Variants in GRIA4 observed in about 807,000 individuals in gnomAD.
The protein encoded by GRIA4 is glutamate receptor 4.
In GRIA4, 34 loss-of-function variants were observed where a neutral mutation model predicts 104.0. The observed-to-expected ratio is 0.33, with a 90% CI of 0.25 to 0.44. The LOEUF (loss-of-function observed/expected upper bound fraction) is 0.44. Among genes scored for constraint, GRIA4 ranks in the 20% least tolerant of loss-of-function variants. The probability of loss-of-function intolerance (pLI) is 1.00; values close to 1 mark genes in which losing one functional copy is unlikely to be tolerated. For synonymous variants in GRIA4, 386 were observed against 381.9 expected (o/e 1.01, Z -0.13); for missense variants, 750 against 1,096.5 (o/e 0.68, Z 4.46).
At position 105,910,528 on chromosome 11, in the gene GRIA4, GT is replaced by G; in HGVS notation, c.1254del (p.Val419Ter). 6.5e-7 allele frequency: 1 copy of G among 1,543,660 alleles called. No individual in the cohort carries two copies. Among genetic ancestry groups the G allele is most frequent in the Non-Finnish European group, 9.0e-7 (1 of 1,115,778 alleles). Reference sequence around the variant, plus strand: ...AGCTGCTATTGAGAACAGAACAGTGGTTGTAACCACAATTATGGTAAGTGTT... The same window carrying G: ...AGCTGCTATTGAGAACAGAACAGTGGTGTAACCACAATTATGGTAAGTGTT... ...DTAAIENRTV[V>X]VTTIMESPYV... is the part of the protein sequence containing the mutation. On this transcript the variant is annotated frameshift_variant, in exon 10 of 17. Coordinates refer to ENST00000282499, the MANE Select transcript of GRIA4 (RefSeq NM_000829.4). LOFTEE classifies it high-confidence loss of function.
In GRIA4 at chr11:105,688,160, ATC is replaced by A. The variant is rs776577525; in HGVS notation, c.248-64819_248-64818del. Among the ~76,000 whole-genome samples the A allele has an allele frequency of 4.4e-3, 628 of 141,168 alleles. 9 individuals carry two copies. Among genetic ancestry groups the A allele is most frequent in the African/African-American group, 0.017 (594 of 35,494 alleles). 92.6% of individuals were successfully genotyped at this position (141,168 alleles called of 152,430 possible). ...TATCTATATCTATATCTATATCTCTATCTATCTATCTATCTATCTATCTATCT... is the reference window on the plus strand; with the variant it reads ...TATCTATATCTATATCTATATCTCTATATCTATCTATCTATCTATCTATCT... On this transcript the variant is annotated intron_variant, in intron 3 of 16. Transcript: ENST00000282499.
intron 3 of GRIA4, among the ~76,000 whole-genome samples, chr11:105,687,859 A>G (rs1370127985): frequency 6.6e-6 from 1 of 152,204 alleles, no homozygotes; most frequent in African/African-American, 2.4e-5. Context: ...AATATAACTT[A>G]TCCTTAAAGT....
At chr11:105,886,718 G>A (rs1946276606) in intron 5 of GRIA4, among the ~76,000 whole-genome samples, 1 of 152,112 alleles carries the variant, frequency 6.6e-6, no homozygotes, top group Non-Finnish European at 1.5e-5. Flanking sequence ...CACCAGTGAA[G>A]TTACAAAGCT....
intron 14 of GRIA4, among the ~76,000 whole-genome samples, chr11:105,957,298 G>C (rs1417327723): frequency 6.6e-6 from 1 of 152,182 alleles, no homozygotes; most frequent in Admixed American, 6.5e-5. Flanking sequence ...TAAGGTGTAA[G>C]GAAGGGATCC....
chr11:105,787,651 T>G (rs1485395276), intron 4 of GRIA4, among the ~76,000 whole-genome samples: 1 of 109,602 alleles, frequency 9.1e-6, no homozygotes, highest in Admixed American at 1.0e-4. Flanking sequence ...AATTTTTGTA[T>G]TTTTTAGTAG....
At chr11:105,629,633 CA>C (rs1457619834) in intron 3 of GRIA4, among the ~76,000 whole-genome samples, 3 of 151,958 alleles carry the variant, frequency 2.0e-5, no homozygotes, top group East Asian at 3.9e-4. Context: ...TACATGTTTA[CA>C]AAAAGCATAT....
In GRIA4 at chr11:105,769,117, A is replaced by G. The variant is rs141339823; in HGVS notation, c.487+15897A>G. On this transcript the variant is annotated intron_variant, in intron 4 of 16. Transcript: ENST00000282499. ...AATTCTAGTAAGAGAATTATGAAGC[A>G]AGGGTCAAGGACTAGGTCTTGGTCT... is the stretch of plus-strand genomic sequence containing the variant. Among the ~76,000 whole-genome samples the G allele has an allele frequency of 6.6e-3, 1,001 of 152,260 alleles. 6 individuals carry two copies. Among genetic ancestry groups the G allele is most frequent in the Non-Finnish European group, 1.0e-2 (677 of 68,016 alleles).
chr11:105,866,549 G>GTATATATATA lies in GRIA4; in HGVS notation c.672+4342_672+4343insATATATATAT, dbSNP rs1345654796. ...TATATACGCATATGTGTGTGTGTGT[G>GTATATATATA]TGTATATATATATATATATATATAT... On this transcript the variant is annotated intron_variant, in intron 5 of 16. Transcript: ENST00000282499. Among the ~76,000 whole-genome samples, 161 of 78,158 alleles carry GTATATATATA rather than the reference G, an allele frequency of 2.1e-3. 1 individual carries two copies. The highest frequency in any genetic ancestry group is 5.0e-3 in the African/African-American group (110 of 22,160). 51.3% of individuals were successfully genotyped at this position (78,158 alleles called of 152,430 possible).
chr11:105,896,591 G>T (rs1042907580), intron 6 of GRIA4, among the ~76,000 whole-genome samples: 4 of 151,914 alleles, frequency 2.6e-5, no homozygotes, highest in Non-Finnish European at 5.9e-5. Context: ...CTTAATTTTG[G>T]TATATGGTGA....
At chr11:105,920,072 CA>C (rs1292388575) in intron 11 of GRIA4, among the ~76,000 whole-genome samples, 2 of 152,064 alleles carry the variant, frequency 1.3e-5, no homozygotes, top group Non-Finnish European at 2.9e-5. Flanking sequence ...GACCATGAAG[CA>C]ATGAACATTC....
intron 11 of GRIA4, among the ~76,000 whole-genome samples, chr11:105,924,024 C>T (rs945284216): frequency 3.9e-5 from 6 of 152,076 alleles, no homozygotes; most frequent in South Asian, 2.1e-4. Context: ...AACATAGCAG[C>T]GTTCCTGGCC....
At chr11:105,648,683 G>C (rs1039263336) in intron 3 of GRIA4, among the ~76,000 whole-genome samples, 1 of 152,078 alleles carries the variant, frequency 6.6e-6, no homozygotes, top group Non-Finnish European at 1.5e-5. Context: ...CTAAAAGGTA[G>C]AAAATTGTAA....
intron 4 of GRIA4, among the ~76,000 whole-genome samples, chr11:105,765,397 G>C (rs1333919759): frequency 6.6e-6 from 1 of 152,218 alleles, no homozygotes; most frequent in Non-Finnish European, 1.5e-5. Context: ...GTTAAAGTAT[G>C]TAAGAGTCAT....
At chr11:105,776,930 A>T (rs575241208) in intron 4 of GRIA4, among the ~76,000 whole-genome samples, 1 of 152,292 alleles carries the variant, frequency 6.6e-6, no homozygotes, top group South Asian at 2.1e-4. Context: ...CTATACCAAG[A>T]TGTTCTACTA....
At chr11:105,718,673 G>A (rs1284703541) in intron 3 of GRIA4, among the ~76,000 whole-genome samples, 1 of 152,164 alleles carries the variant, frequency 6.6e-6, no homozygotes, top group Non-Finnish European at 1.5e-5. Context: ...GGTAATGGTG[G>A]TGTCTCGACC....
chr11:105,788,262 A>T (rs77399009), intron 4 of GRIA4, among the ~76,000 whole-genome samples: 247 of 152,294 alleles, frequency 1.6e-3, no homozygotes, highest in African/African-American at 5.8e-3. Context: ...GTTGGCATGG[A>T]TGTGGAGAAA....
chr11:105,802,174 G>C (rs1400822058), intron 4 of GRIA4, among the ~76,000 whole-genome samples: 2 of 152,076 alleles, frequency 1.3e-5, no homozygotes, highest in Non-Finnish European at 2.9e-5. Context: ...CTGGTGGTGA[G>C]AGAAGAGAGC....
chr11:105,815,501 C>T (rs771073456), intron 4 of GRIA4, among the ~76,000 whole-genome samples: 63 of 152,268 alleles, frequency 4.1e-4, no homozygotes, highest in Non-Finnish European at 1.2e-4. Flanking sequence ...ACCTGACACC[C>T]GAATGCCCTC....
Position 105,895,095 on chromosome 11 carries a change from G to A in GRIA4, c.727-3174G>A, listed in dbSNP as rs1378253841. On this transcript the variant is annotated intron_variant, in intron 6 of 16. Transcript: ENST00000282499. ...ATTACAGGCGTGAGCCACCGCGCCCGGCCTATTGCTACATATTTTATTCCC... is the reference window on the plus strand; with the variant it reads ...ATTACAGGCGTGAGCCACCGCGCCCAGCCTATTGCTACATATTTTATTCCC... Among the ~76,000 whole-genome samples, 5 of 151,868 alleles carry A rather than the reference G, an allele frequency of 3.3e-5. 2 individuals are homozygous for A. In the East Asian group the frequency reaches 9.7e-4, roughly 29 times the overall value.
Sources: gnomAD v4.1 joint callset for allele counts (sites outside exome capture counted in the v4.1 genomes callset) on GRCh38, gnomAD v4.1.1 for gene constraint, MANE v1.5 for transcripts, NCBI Gene and HGNC (gene_info 2026-07-23, HGNC 2026-07-21) for gene names.